Variants in PSD3 observed in about 807,000 individuals in gnomAD.
The protein encoded by PSD3 is PH and SEC7 domain-containing protein 3.
In PSD3, 49 loss-of-function variants were observed where a neutral mutation model predicts 105.5. The observed-to-expected ratio is 0.46, with a 90% confidence interval of 0.37 to 0.59. The LOEUF (loss-of-function observed/expected upper bound fraction) is 0.59. PSD3 is among the 20% of genes least tolerant of loss of function. The pLI is 0.00. For missense variants in PSD3, 1,561 were observed against 1,263.8 expected (o/e 1.24, Z -3.57); for synonymous variants, 557 against 457.8 (o/e 1.22, Z -2.77).
At chr8:18,892,256 C>T (rs1438222793) in intron 2 of PSD3, among the ~76,000 whole-genome samples, 1 of 151,134 alleles carries the variant, frequency 6.6e-6, no homozygotes, top group East Asian at 1.9e-4. Context: ...CAGAGTCTCG[C>T]TCTGTTGCCC....
intron 1 of PSD3, among the ~76,000 whole-genome samples, chr8:19,045,322 T>C (rs1029902234): frequency 1.2e-4 from 18 of 152,208 alleles, no homozygotes; most frequent in African/African-American, 3.4e-4. Context: ...GAGAATATGA[T>C]ATGAAACCAA....
intron 6 of PSD3, among the ~76,000 whole-genome samples, chr8:18,801,792 C>T (rs1156632771): frequency 6.6e-6 from 1 of 151,970 alleles, no homozygotes; most frequent in Non-Finnish European, 1.5e-5. Flanking sequence ...CGCGCCACTA[C>T]ACTCCAGCCT....
chr8:18,775,309 A>T (rs1467888345), intron 8 of PSD3, among the ~76,000 whole-genome samples: 1 of 152,210 alleles, frequency 6.6e-6, no homozygotes, highest in Non-Finnish European at 1.5e-5. Flanking sequence ...CGTGAATAGT[A>T]CTACAATAAA....
chr8:18,556,326 A>G lies in PSD3; in HGVS notation c.2811T>C (p.Ser937=). Residue 937 remains serine, a synonymous_variant, in exon 15 of 16, where the codon AGT becomes AGC. Coordinates refer to ENST00000327040, the MANE Select transcript of PSD3 (RefSeq NM_015310.4). ...SQEEQLKSHE[S]KLKQITTELA... The stretch of plus-strand genomic sequence containing the variant: ...GCTCGGTGGTGATCTGCTTCAGCTT[A>G]CTTTCATGTGACTTCAGTTGCTCCT... 6.2e-7 allele frequency: 1 copy of G among 1,613,196 alleles called. No individual in the cohort carries two copies. The highest frequency in any genetic ancestry group is 8.5e-7 in the Non-Finnish European group (1 of 1,179,744).
intron 1 of PSD3, among the ~76,000 whole-genome samples, chr8:19,037,399 G>A (rs1827980153): frequency 6.6e-6 from 1 of 152,218 alleles, no homozygotes; most frequent in Non-Finnish European, 1.5e-5. Flanking sequence ...TGATAGATCC[G>A]TGGCAACTTA....
chr8:18,764,874 A>T (rs764097260), intron 9 of PSD3, among the ~76,000 whole-genome samples: 1 of 152,176 alleles, frequency 6.6e-6, no homozygotes, highest in Non-Finnish European at 1.5e-5. Context: ...CTCATTTACA[A>T]TGCTGGAGAA....
At chr8:18,883,930 T>C (rs1167945060) in intron 2 of PSD3, among the ~76,000 whole-genome samples, 1 of 152,174 alleles carries the variant, frequency 6.6e-6, no homozygotes, top group Non-Finnish European at 1.5e-5. Context: ...TGTTCCCTAA[T>C]GAATACCAGT....
At chr8:18,653,478 T>A (rs569443760) in intron 10 of PSD3, among the ~76,000 whole-genome samples, 98 of 152,264 alleles carry the variant, frequency 6.4e-4, no homozygotes, top group African/African-American at 2.2e-3. Context: ...ATCCTGAAGG[T>A]TACATGAGAC....
chr8:18,566,542 A>G (rs1277982398), intron 14 of PSD3, among the ~76,000 whole-genome samples: 2 of 150,896 alleles, frequency 1.3e-5, no homozygotes, highest in Non-Finnish European at 3.0e-5. Context: ...AAAAAAAAAA[A>G]AAAAATTCCT....
Position 18,872,550 on chromosome 8 carries a change from T to C in PSD3, c.314A>G (p.Asp105Gly), listed in dbSNP as rs1227992499. The change falls in exon 3 of 16, where the codon GAC becomes GGC. Residue 105 changes from aspartate to glycine, a missense_variant. Coordinates refer to ENST00000327040, the MANE Select transcript of PSD3 (RefSeq NM_015310.4). ...QPLTGCHSGLDSVTEGPKDVR... is the reference protein window; with the variant it reads ...QPLTGCHSGLGSVTEGPKDVR... ...ATCTTTTGGTCCTTCTGTAACACTG[T>C]CGAGCCCAGAGTGGCAGCCAGTAAG... The C allele has an allele frequency of 5.6e-6, 9 of 1,613,974 alleles. No individual in the cohort carries two copies. In the Admixed American group the frequency reaches 1.3e-4, roughly 24 times the overall value.
intron 1 of PSD3, among the ~76,000 whole-genome samples, chr8:19,000,407 A>AG (rs1158682986): frequency 2.0e-5 from 3 of 149,980 alleles, no homozygotes; most frequent in Admixed American, 1.3e-4. Context: ...AAAAAAAAAA[A>AG]AGAGAGAGAA....
chr8:18,607,287 A>C (rs1804907848), intron 11 of PSD3, among the ~76,000 whole-genome samples: 1 of 152,218 alleles, frequency 6.6e-6, no homozygotes, highest in Non-Finnish European at 1.5e-5. Flanking sequence ...TCTGCAGAAT[A>C]GTTATCTAAT....
intron 1 of PSD3, among the ~76,000 whole-genome samples, chr8:19,042,878 C>T (rs767045456): frequency 5.3e-5 from 8 of 152,136 alleles, no homozygotes; most frequent in Non-Finnish European, 7.4e-5. Flanking sequence ...AAATTAATTG[C>T]TCTCATCTCC....
chr8:18,819,918 G>C (rs1812552085), intron 4 of PSD3, among the ~76,000 whole-genome samples: 2 of 152,196 alleles, frequency 1.3e-5, no homozygotes, highest in South Asian at 2.1e-4. Flanking sequence ...AACCCTGGCA[G>C]CCAGGTGGCT....
In PSD3 at chr8:18,968,871, A is replaced by C. The variant is rs1824452226; in HGVS notation, c.22-32729T>G. On this transcript the variant is annotated intron_variant, in intron 1 of 15. Coordinates refer to ENST00000327040, the MANE Select transcript of PSD3 (RefSeq NM_015310.4). The stretch of plus-strand genomic sequence containing the variant: ...AGCCTGCGTGACAGAGCAAAAAAAA[A>C]ATGTCTCCAAAAAAAAAAAAAAAAA... 2.3e-5 allele frequency among the ~76,000 whole-genome samples: 3 copies of C among 130,968 alleles called. No homozygotes were observed. The Admixed American group carries it at 2.5e-4, about 11-fold the overall frequency. The allele number at this position is 130,968 out of a possible 152,430, so 85.9% of individuals were successfully genotyped here.
chr8:18,880,738 G>T (rs1182052678), intron 2 of PSD3, among the ~76,000 whole-genome samples: 3 of 152,134 alleles, frequency 2.0e-5, no homozygotes, highest in Non-Finnish European at 4.4e-5. Context: ...TATTACTAAT[G>T]TAAGAATCCA....
chr8:18,592,994 A>C lies in PSD3; in HGVS notation c.2481+7370T>G, dbSNP rs4921936. Reference sequence around the variant, plus strand: ...AATTCAAGATGGATTAAAGACTTACATGTTAGACCTAAAACCGTAACAACC... The same window carrying C: ...AATTCAAGATGGATTAAAGACTTACCTGTTAGACCTAAAACCGTAACAACC... On this transcript the variant is annotated intron_variant, in intron 12 of 15. Transcript: ENST00000327040. 6.6e-5 allele frequency among the ~76,000 whole-genome samples: 10 copies of C among 152,114 alleles called. No homozygotes were observed. In the South Asian group the frequency reaches 1.4e-3, roughly 22 times the overall value.
intron 10 of PSD3, among the ~76,000 whole-genome samples, chr8:18,655,233 G>A (rs1322020965): frequency 2.6e-5 from 4 of 151,264 alleles, no homozygotes; most frequent in Non-Finnish European, 4.4e-5. Context: ...GGAGGCTGAG[G>A]CAGGAGAATG....
At chr8:18,629,341 T>G (rs1329853064) in intron 11 of PSD3, among the ~76,000 whole-genome samples, 3 of 152,020 alleles carry the variant, frequency 2.0e-5, no homozygotes, top group Non-Finnish European at 2.9e-5. Flanking sequence ...AATCTTACTC[T>G]TTTACTCCTA....
Sources: gnomAD v4.1 joint callset for allele counts (sites outside exome capture counted in the v4.1 genomes callset) on GRCh38, gnomAD v4.1.1 for gene constraint, MANE v1.5 for transcripts, NCBI Gene and HGNC (gene_info 2026-07-23, HGNC 2026-07-21) for gene names.